The following CENPP variants were observed in gnomAD, a reference collection of about 807,000 sequenced individuals.
CENPP encodes the protein centromere protein P.
A neutral mutation model predicts 35.6 loss-of-function variants in CENPP; 24 were observed. The observed-to-expected ratio is 0.67, with a 90% CI of 0.49 to 0.95. CENPP has a LOEUF of 0.95. Ranked by LOEUF, CENPP falls within the 40% of genes least tolerant of loss-of-function variation. The probability of loss-of-function intolerance (pLI) is 0.00; values close to 1 mark genes in which losing one functional copy is unlikely to be tolerated. For synonymous variants in CENPP, 120 were observed against 125.5 expected, an observed-to-expected ratio of 0.96 and a Z score of 0.29; for missense variants, 332 against 345.3, an observed-to-expected ratio of 0.96 and a Z score of 0.31.
At chr9:92,326,171 T>G in intron 1 of CENPP, 66 bp downstream of exon 1, 1 of 1,001,488 alleles carries the variant, frequency 1.0e-6, no homozygotes, top group Non-Finnish European at 1.5e-6. Context: ...CGGGTGAATC[T>G]CCACAGACAT....
intron 5 of CENPP, among the ~76,000 whole-genome samples, chr9:92,603,352 T>C (rs1850980609): frequency 6.6e-6 from 1 of 152,254 alleles, no homozygotes; most frequent in Non-Finnish European, 1.5e-5. Flanking sequence ...TTTGTATTTG[T>C]CAGTTTTCTT....
intron 5 of CENPP, chr9:92,522,595 G>T: frequency 6.2e-7 from 1 of 1,612,564 alleles, no homozygotes; most frequent in South Asian, 1.1e-5. Context: ...ATTATAACTT[G>T]ATTCTACTCC....
At chr9:92,441,148 A>G (rs1019304693) in intron 5 of CENPP, among the ~76,000 whole-genome samples, 1 of 152,228 alleles carries the variant, frequency 6.6e-6, no homozygotes, top group Admixed American at 6.5e-5. Flanking sequence ...TATTAGTCAT[A>G]CTTTTGGATG....
At position 92,450,562 on chromosome 9, in the gene CENPP, G is replaced by A. The variant is rs962567807; in HGVS notation, c.564+70703G>A. On this transcript the variant is annotated intron_variant, in intron 5 of 7. Coordinates refer to ENST00000375587, the MANE Select transcript of CENPP (RefSeq NM_001012267.3). Reference sequence around the variant, plus strand: ...ATAGTGCCACAATAAACATACGTGTGCATGTGTCTTTATAGCAGCATGATT... The same window carrying A: ...ATAGTGCCACAATAAACATACGTGTACATGTGTCTTTATAGCAGCATGATT... Among the ~76,000 whole-genome samples, 7 of 152,184 alleles carry A rather than the reference G, an allele frequency of 4.6e-5. No homozygotes were observed. In the South Asian group the frequency reaches 1.2e-3, roughly 27 times the overall value.
At chr9:92,507,869 C>T (rs1253702221) in intron 5 of CENPP, among the ~76,000 whole-genome samples, 1 of 152,218 alleles carries the variant, frequency 6.6e-6, no homozygotes, top group East Asian at 1.9e-4. Context: ...GGTAAATTCC[C>T]TGCCCTTCAG....
intron 5 of CENPP, chr9:92,415,623 TAATC>T (rs979693820): frequency 1.3e-5 from 5 of 382,164 alleles, no homozygotes; most frequent in African/African-American, 4.2e-5. Flanking sequence ...CTTTTTATAT[TAATC>T]AAATAATAAA....
intron 4 of CENPP, among the ~76,000 whole-genome samples, chr9:92,366,248 A>G (rs1841887344): frequency 6.6e-6 from 1 of 152,130 alleles, no homozygotes; most frequent in African/African-American, 2.4e-5. Context: ...ATATTTATGA[A>G]TTGAAGAATA....
At chr9:92,395,103 A>C (rs775397202) in intron 5 of CENPP, among the ~76,000 whole-genome samples, 1 of 152,090 alleles carries the variant, frequency 6.6e-6, no homozygotes, top group Non-Finnish European at 1.5e-5. Context: ...TACGATTTTT[A>C]CATATGTACA....
rs143970733 is a variant in CENPP, at chr9:92,501,798, A to G, written c.565-109516A>G. Among the ~76,000 whole-genome samples, 558 of 152,312 alleles carry G rather than the reference A, an allele frequency of 3.7e-3. 2 individuals carry two copies. Among genetic ancestry groups the G allele is most frequent in the South Asian group, 9.1e-3 (44 of 4,828 alleles). On this transcript the variant is annotated intron_variant, in intron 5 of 7. Coordinates refer to ENST00000375587, the MANE Select transcript of CENPP (RefSeq NM_001012267.3). ...CTGTGCTACTTAGGCACATAGTTCC[A>G]GGACACGCAATCCCAGATCCCAGTT...
intron 5 of CENPP, among the ~76,000 whole-genome samples, chr9:92,498,588 TTC>T (rs1288458282): frequency 6.6e-6 from 1 of 152,082 alleles, no homozygotes; most frequent in Non-Finnish European, 1.5e-5. Flanking sequence ...AAAGAGCAAT[TTC>T]TAAAAACCAA....
At chr9:92,474,729 A>G in intron 5 of CENPP, 1 of 1,601,558 alleles carries the variant, frequency 6.2e-7, no homozygotes. Flanking sequence ...CTTGTTGGAA[A>G]AAGAGAGTTG....
At chr9:92,452,317 G>A (rs1437589219) in intron 5 of CENPP, among the ~76,000 whole-genome samples, 4 of 152,044 alleles carry the variant, frequency 2.6e-5, no homozygotes, top group African/African-American at 9.7e-5. Flanking sequence ...AAGGGTTGTT[G>A]AATTTTGTCA....
intron 5 of CENPP, among the ~76,000 whole-genome samples, chr9:92,419,542 A>G (rs899757000): frequency 1.3e-5 from 2 of 151,660 alleles, no homozygotes; most frequent in Non-Finnish European, 1.5e-5. Flanking sequence ...CTCATGATCC[A>G]CCCACCTTGG....
intron 5 of CENPP, among the ~76,000 whole-genome samples, chr9:92,450,191 C>A (rs1446265439): frequency 6.6e-6 from 1 of 151,326 alleles, no homozygotes; most frequent in Non-Finnish European, 1.5e-5. Flanking sequence ...GTGTGCTGTA[C>A]CCATTAACTC....
At chr9:92,460,143 T>C (rs1403691520) in intron 5 of CENPP, among the ~76,000 whole-genome samples, 2 of 150,744 alleles carry the variant, frequency 1.3e-5, no homozygotes, top group East Asian at 3.9e-4. Flanking sequence ...CTTGGCTCAC[T>C]GCAACCTCAG....
At chr9:92,354,415 C>T (rs1385492849) in intron 4 of CENPP, among the ~76,000 whole-genome samples, 1 of 152,174 alleles carries the variant, frequency 6.6e-6, no homozygotes, top group East Asian at 1.9e-4. Flanking sequence ...AACCTCCATC[C>T]CTGCCACCAT....
At chr9:92,339,228 T>A (rs1407167214) in intron 3 of CENPP, among the ~76,000 whole-genome samples, 2 of 152,232 alleles carry the variant, frequency 1.3e-5, no homozygotes, top group Non-Finnish European at 2.9e-5. Flanking sequence ...TTCAGGGTCA[T>A]GTGCCAGGAT....
At chr9:92,491,006 A>G (rs1394599698) in intron 5 of CENPP, among the ~76,000 whole-genome samples, 1 of 152,204 alleles carries the variant, frequency 6.6e-6, no homozygotes, top group Non-Finnish European at 1.5e-5. Context: ...TTTGACTGGG[A>G]GATAAAGGAG....
intron 5 of CENPP, among the ~76,000 whole-genome samples, chr9:92,443,975 G>T (rs1304974958): frequency 6.6e-6 from 1 of 151,848 alleles, no homozygotes; most frequent in South Asian, 2.1e-4. Context: ...AAAATCTTAA[G>T]GTATAGACCT....
Sources: gnomAD v4.1 joint callset for allele counts (sites outside exome capture counted in the v4.1 genomes callset) on GRCh38, gnomAD v4.1.1 for gene constraint, MANE v1.5 for transcripts, NCBI Gene and HGNC (gene_info 2026-07-23, HGNC 2026-07-21) for gene names.